The following PSEN1 variants were observed in gnomAD, a reference collection of about 807,000 sequenced individuals.
PSEN1 encodes the protein presenilin 1.
Under a neutral mutation model 53.5 loss-of-function variants are expected in PSEN1, and 15 were observed. That is an observed-to-expected ratio of 0.28 (90% CI 0.19 to 0.43). The LOEUF (loss-of-function observed/expected upper bound fraction) is 0.43, where lower values mean the gene tolerates loss of function less well. PSEN1 is among the 20% of genes least tolerant of loss of function. The probability of loss-of-function intolerance (pLI) is 1.00; values close to 1 mark genes in which losing one functional copy is unlikely to be tolerated. For synonymous variants in PSEN1, 208 were observed against 209.8 expected (o/e 0.99, Z 0.08); for missense variants, 387 against 571.2 (o/e 0.68, Z 3.29).
chr14:73,219,374 A>C lies in PSEN1; in HGVS notation c.*85A>C. 14 of 1,399,220 alleles carry C rather than the reference A, an allele frequency of 1.0e-5. No homozygotes were observed. Among genetic ancestry groups the C allele is most frequent in the Non-Finnish European group, 1.4e-5 (14 of 992,840 alleles). The allele number at this position is 1,399,220 out of a possible 1,614,324, so 86.7% of individuals were successfully genotyped here. ...GGACAAAGGTGATTTTCCTGTGTCC[A>C]CATCTAACAAAGTCAAGATTCCCGG... On this transcript the variant is annotated 3_prime_UTR_variant, in exon 12 of 12. Transcript: ENST00000324501.
intron 1 of PSEN1, among the ~76,000 whole-genome samples, chr14:73,147,176 G>A (rs1232588295): frequency 6.6e-6 from 1 of 152,076 alleles, no homozygotes; most frequent in East Asian, 1.9e-4. Flanking sequence ...AGTAGAGATG[G>A]GGTTTCGCCA....
Position 73,192,693 on chromosome 14 carries a change from C to G in PSEN1, c.598C>G (p.Leu200Val). 6.2e-7 allele frequency: 1 copy of G among 1,614,070 alleles called. No homozygotes were observed. ...TGCTGTGGACTACATTACTGTTGCACTCCTGATCTGGAATTTTGGTGTGGT... is the reference window on the plus strand; with the variant it reads ...TGCTGTGGACTACATTACTGTTGCAGTCCTGATCTGGAATTTTGGTGTGGT... ...NVAVDYITVA[L>V]LIWNFGVVGM... The change falls in exon 7 of 12, where the codon CTC becomes GTC. Residue 200 changes from leucine (L) to valine (V), a missense_variant. Physicochemically the swap from Leu to Val is conservative, Grantham distance 32. This residue lies in a region of PSEN1 where 169 missense variants were observed against 299.7 expected (regional missense o/e 0.56). Coordinates refer to ENST00000324501, the MANE Select transcript of PSEN1 (RefSeq NM_000021.4).
At position 73,219,141 on chromosome 14, in the gene PSEN1, G is replaced by T; in HGVS notation, c.1256G>T (p.Cys419Phe). The T allele has an allele frequency of 6.2e-7, 1 of 1,614,026 alleles. No individual in the cohort carries two copies. Among genetic ancestry groups the T allele is most frequent in the African/African-American group, 1.3e-5 (1 of 75,036 alleles). ...ACFVAILIGLCLTLLLLAIFK... is the reference protein window; with the variant it reads ...ACFVAILIGLFLTLLLLAIFK... ...TTCCCATCTTCTCCACAGGGTTTGT[G>T]CCTTACATTATTACTCCTTGCCATT... The change falls in exon 12 of 12, where the codon TGC becomes TTC. Residue 419 changes from cysteine to phenylalanine, a missense_variant. Physicochemically the swap from Cys to Phe is radical, Grantham distance 205. Around this residue, in one of 4 missense-constraint regions of PSEN1, gnomAD observed 44 missense variants for 106.3 expected, o/e 0.41. Coordinates refer to ENST00000324501, the MANE Select transcript of PSEN1 (RefSeq NM_000021.4).
chr14:73,223,669 TTAA>T lies in PSEN1; in HGVS notation c.*4384_*4386del, dbSNP rs1882694522. On this transcript the variant is annotated 3_prime_UTR_variant, in exon 12 of 12. Transcript: ENST00000324501. ...TTGCAGATTTTCTGTATTTGTCAGA[TTAA>T]TAAAGACTGCATGAATCCAGCTGTG... is the stretch of plus-strand genomic sequence containing the variant. 1 of 152,204 alleles carries T rather than the reference TTAA, an allele frequency of 6.6e-6. No individual in the cohort carries two copies. The allele number at this position is 152,204 out of a possible 1,614,324, so 9.4% of individuals were successfully genotyped here.
chr14:73,209,010 G>T (rs1439960291), intron 9 of PSEN1: 5 of 381,592 alleles, frequency 1.3e-5, no homozygotes, highest in Admixed American at 6.2e-5. Flanking sequence ...TGGCATGTCA[G>T]TGCTGCCCCA....
chr14:73,209,199 A>C (rs1442068740), intron 9 of PSEN1, among the ~76,000 whole-genome samples: 2 of 151,722 alleles, frequency 1.3e-5, no homozygotes, highest in Admixed American at 6.6e-5. Context: ...TGCCCCACCA[A>C]CTCAGAAGGG....
intron 10 of PSEN1, among the ~76,000 whole-genome samples, chr14:73,216,773 T>C (rs111607475): frequency 1.3e-5 from 2 of 150,684 alleles, no homozygotes; most frequent in African/African-American, 2.5e-5. Flanking sequence ...AAAAAAAAAA[T>C]ATTAATTAAT....
chr14:73,192,717 G>T lies in PSEN1; in HGVS notation c.622G>T (p.Val208Leu), dbSNP rs543391977. ...ACTCCTGATCTGGAATTTTGGTGTGGTGGGAATGATTTCCATTCACTGGAA... is the reference window on the plus strand; with the variant it reads ...ACTCCTGATCTGGAATTTTGGTGTGTTGGGAATGATTTCCATTCACTGGAA... ...VALLIWNFGVVGMISIHWKGP... is the reference protein window; with the variant it reads ...VALLIWNFGVLGMISIHWKGP... The change falls in exon 7 of 12, where the codon GTG (valine) becomes TTG (leucine). Residue 208 changes from valine (V) to leucine (L), a missense_variant. Physicochemically the swap from Val to Leu is conservative, Grantham distance 32. Around this residue, in one of 4 missense-constraint regions of PSEN1, gnomAD observed 169 missense variants for 299.7 expected, o/e 0.56. Coordinates refer to ENST00000324501, the MANE Select transcript of PSEN1 (RefSeq NM_000021.4). 2 of 1,614,100 alleles carry T rather than the reference G, an allele frequency of 1.2e-6. No individual in the cohort carries two copies. Among genetic ancestry groups the T allele is most frequent in the African/African-American group, 2.7e-5 (2 of 75,030 alleles).
At position 73,165,916 on chromosome 14, in the gene PSEN1, C is replaced by T. The variant is rs555344557; in HGVS notation, c.88-4881C>T. Among the ~76,000 whole-genome samples the T allele has an allele frequency of 1.3e-4, 19 of 151,976 alleles. 1 individual carries two copies. The South Asian group carries it at 3.1e-3, about 25-fold the overall frequency. Reference sequence around the variant, plus strand: ...ACTAAAAATACAAACATTAAGCCGGCGCAGTGGTGGATGCCGATAATCCCA... The same window carrying T: ...ACTAAAAATACAAACATTAAGCCGGTGCAGTGGTGGATGCCGATAATCCCA... On this transcript the variant is annotated intron_variant, in intron 3 of 11. Transcript: ENST00000324501.
At chr14:73,168,962 C>T (rs937232699) in intron 3 of PSEN1, 1 of 152,184 alleles carries the variant, frequency 6.6e-6, no homozygotes, top group Non-Finnish European at 1.5e-5. Flanking sequence ...CTGATTCCCA[C>T]ACTCACTCAC....
At chr14:73,160,054 G>T in intron 3 of PSEN1, 1 of 270,510 alleles carries the variant, frequency 3.7e-6, no homozygotes, top group South Asian at 3.1e-5. Context: ...AAACTCCTGG[G>T]CTCAAGTAAT....
chr14:73,195,218 G>A (rs138396026), intron 7 of PSEN1, among the ~76,000 whole-genome samples: 2,069 of 152,014 alleles, frequency 0.014, 24 homozygotes, highest in Non-Finnish European at 0.022. Flanking sequence ...TGTTGCCCAG[G>A]CTGGAGTGCA....
At chr14:73,153,291 G>A (rs1413410959) in intron 3 of PSEN1, among the ~76,000 whole-genome samples, 2 of 152,204 alleles carry the variant, frequency 1.3e-5, no homozygotes, top group African/African-American at 4.8e-5. Context: ...TTTTGCATGA[G>A]TAAAATCTCT....
rs747750345 is a variant in PSEN1, at chr14:73,148,106, G to T, written c.87G>T (p.Gln29His). 6.2e-7 allele frequency: 1 copy of T among 1,609,502 alleles called. No homozygotes were observed. Reference sequence around the variant, plus strand: ...ACCTGAGCAATACTGTACGTAGCCAGGTACAGTGTCAGTCTCTGAAACTGC... The same window carrying T: ...ACCTGAGCAATACTGTACGTAGCCATGTACAGTGTCAGTCTCTGAAACTGC... ...DNHLSNTVRS[Q>H]NDNRERQEHN... is the part of the protein sequence containing the mutation. The change falls in exon 3 of 12, where the codon CAG becomes CAT. Residue 29 changes from glutamine (Q) to histidine (H), a missense_variant and splice_region_variant. Gln to His is a conservative substitution (Grantham distance 24). Coordinates refer to ENST00000324501, the MANE Select transcript of PSEN1 (RefSeq NM_000021.4).
At chr14:73,187,941 C>A (rs1898574204) in intron 6 of PSEN1, among the ~76,000 whole-genome samples, 1 of 147,780 alleles carries the variant, frequency 6.8e-6, no homozygotes, top group African/African-American at 2.5e-5. Flanking sequence ...AAGAATAATA[C>A]TTTTTTTTTT....
At chr14:73,162,267 A>G (rs1441949468) in intron 3 of PSEN1, among the ~76,000 whole-genome samples, 3 of 151,922 alleles carry the variant, frequency 2.0e-5, no homozygotes, top group East Asian at 3.9e-4. Context: ...TATTAAATTT[A>G]TGCCAAGATT....
rs756764981 is a variant in PSEN1 at position 73,211,850 on chromosome 14, G to A, written c.1037G>A (p.Ser346Asn). The A allele has an allele frequency of 6.2e-7, 1 of 1,613,504 alleles. No individual in the cohort carries two copies. Among genetic ancestry groups the A allele is most frequent in the Non-Finnish European group, 8.5e-7 (1 of 1,179,858 alleles). The change falls in exon 10 of 12, where the codon AGT becomes AAT. Residue 346 changes from serine to asparagine, a missense_variant. This residue lies in a region of PSEN1 where 75 missense variants were observed against 63.7 expected (regional missense o/e 1.18). Transcript: ENST00000324501. ...FSEEWEAQRD[S>N]HLGPHRSTPE... is the part of the protein sequence containing the mutation. The stretch of plus-strand genomic sequence containing the variant: ...GAGGAATGGGAAGCCCAGAGGGACA[G>A]TCATCTAGGGCCTCATCGCTCTACA...
intron 6 of PSEN1, among the ~76,000 whole-genome samples, chr14:73,188,218 G>A (rs965368424): frequency 2.0e-5 from 3 of 152,006 alleles, no homozygotes; most frequent in African/African-American, 7.2e-5. Flanking sequence ...CTGAGCCACC[G>A]CACCCTGCCA....
intron 8 of PSEN1, among the ~76,000 whole-genome samples, chr14:73,198,474 C>T (rs1899047308): frequency 6.6e-6 from 1 of 152,132 alleles, no homozygotes. Flanking sequence ...CACTGGGGAA[C>T]TGAGATTGTT....
Sources: allele counts gnomAD v4.1 joint callset (sites outside exome capture counted in the v4.1 genomes callset), GRCh38; gene constraint gnomAD v4.1.1; regional missense constraint gnomAD v4.1.1; transcripts MANE v1.5; gene names NCBI Gene and HGNC (gene_info 2026-07-23, HGNC 2026-07-21).